Variants in ZNF581 observed in about 807,000 individuals in gnomAD.
ZNF581 encodes the protein zinc finger protein 581.
Under a neutral mutation model 1.2 loss-of-function variants are expected in ZNF581, and 1 was observed. The ratio of observed to expected loss-of-function variants is 0.83; its 90% confidence interval spans 0.30 to 3.95. The LOEUF (loss-of-function observed/expected upper bound fraction) is 3.95. Ranked by LOEUF, ZNF581 falls within the 30% of genes most tolerant of loss-of-function variation. ZNF581 has a pLI of 0.18. For missense variants in ZNF581, 273 were observed against 274.6 expected (o/e 0.99, Z 0.04); for synonymous variants, 105 against 109.2 (o/e 0.96, Z 0.24).
At position 55,645,090 on chromosome 19, in the gene ZNF581, T is replaced by A; in HGVS notation, c.519T>A (p.Phe173Leu). 2 of 1,550,006 alleles carry A rather than the reference T, an allele frequency of 1.3e-6. No individual in the cohort carries two copies. Among genetic ancestry groups the A allele is most frequent in the Non-Finnish European group, 1.8e-6 (2 of 1,142,094 alleles). The stretch of plus-strand genomic sequence containing the variant: ...GGGTGCACTCTGGGGAACGCCCGTT[T>A]CAGTGTCCACACTGCCCTCGCCGCT... Reference protein sequence around the residue: ...HSRVHSGERPFQCPHCPRRFM... With the variant: ...HSRVHSGERPLQCPHCPRRFM... Residue 173 changes from phenylalanine to leucine, a missense_variant, in exon 2 of 2, where the codon TTT becomes TTA. Coordinates refer to ENST00000270451, the MANE Select transcript of ZNF581 (RefSeq NM_016535.4).
Position 55,645,013 on chromosome 19 carries a change from C to A in ZNF581, c.442C>A (p.Pro148Thr). 1 of 1,596,896 alleles carries A rather than the reference C, an allele frequency of 6.3e-7. No homozygotes were observed. Among genetic ancestry groups the A allele is most frequent in the Non-Finnish European group, 8.6e-7 (1 of 1,166,920 alleles). Reference sequence around the variant, plus strand: ...GGGTGGTGGGCGGCCCCACGGCTGCCCGCTCTGCCCTCGCCGCTTCCGGGA... The same window carrying A: ...GGGTGGTGGGCGGCCCCACGGCTGCACGCTCTGCCCTCGCCGCTTCCGGGA... ...LAGGGRPHGCPLCPRRFRDAG... is the reference protein window; with the variant it reads ...LAGGGRPHGCTLCPRRFRDAG... The change falls in exon 2 of 2, where the codon CCG (proline) becomes ACG (threonine). Residue 148 changes from proline (P) to threonine (T), a missense_variant. By Grantham distance (38) the Pro-to-Thr change is conservative. Coordinates refer to ENST00000270451, the MANE Select transcript of ZNF581 (RefSeq NM_016535.4).
upstream of ZNF581, chr19:55,640,736 C>T: frequency 1.0e-6 from 1 of 985,452 alleles, no homozygotes; most frequent in Non-Finnish European, 1.2e-6. Flanking sequence ...CAGCGACGGC[C>T]CAGTGGAAAG....
chr19:55,642,573 C>T, upstream of ZNF581: 1 of 1,451,790 alleles, frequency 6.9e-7, no homozygotes, highest in Non-Finnish European at 9.1e-7. Context: ...ATGGACCCAC[C>T]GCCCCCCAAG....
At chr19:55,636,262 G>T (rs1415058429), upstream of ZNF581, among the ~76,000 whole-genome samples, 1 of 152,172 alleles carries the variant, frequency 6.6e-6, no homozygotes, top group Non-Finnish European at 1.5e-5. Context: ...GAGAAGGAAG[G>T]GGCCAGAACT....
chr19:55,637,850 C>T (rs942109913), upstream of ZNF581, among the ~76,000 whole-genome samples: 1 of 152,176 alleles, frequency 6.6e-6, no homozygotes, highest in East Asian at 1.9e-4. Flanking sequence ...TGTAGCTCTG[C>T]CCTGAGGATG....
At chr19:55,640,798 G>C (rs1420252746), upstream of ZNF581, 1 of 985,388 alleles carries the variant, frequency 1.0e-6, no homozygotes, top group Admixed American at 6.1e-5. Context: ...GCTTAGTCTC[G>C]GTTTATTGGC....
rs1982721421 is a variant in ZNF581 at position 55,644,327 on chromosome 19, T to C, written c.-19-226T>C. 6.6e-6 allele frequency among the ~76,000 whole-genome samples: 1 copy of C among 152,016 alleles called. No homozygotes were observed. The highest frequency in any genetic ancestry group is 1.9e-4 in the East Asian group (1 of 5,166). On this transcript the variant is annotated intron_variant, in intron 1 of 1. Transcript: ENST00000270451. This position sits in a 1 kb window ranked among gnomAD's most constrained non-coding sequence, Gnocchi z 4.3. ...AGGTCAAGAGATCCTGTGAGTACAGTGTATGGTGGAGCACCGAGGCTAGGA... is the reference window on the plus strand; with the variant it reads ...AGGTCAAGAGATCCTGTGAGTACAGCGTATGGTGGAGCACCGAGGCTAGGA...
upstream of ZNF581, among the ~76,000 whole-genome samples, chr19:55,638,954 T>C (rs1982258490): frequency 7.9e-6 from 1 of 126,088 alleles, no homozygotes; most frequent in South Asian, 2.3e-4. Flanking sequence ...GCAGTGAGCC[T>C]AGAATTGCGC....
upstream of ZNF581, chr19:55,643,136 C>T: frequency 8.0e-7 from 1 of 1,250,034 alleles, no homozygotes; most frequent in Non-Finnish European, 1.0e-6. Flanking sequence ...AGGTTACTGC[C>T]TTACCCTGGG....
upstream of ZNF581, chr19:55,640,068 A>AC (rs1982352550): frequency 1.1e-6 from 1 of 939,062 alleles, no homozygotes. Flanking sequence ...TAGCTGTGGC[A>AC]CCCCAGGGTC....
At chr19:55,643,301 G>A (rs1325607318), upstream of ZNF581, 5 of 419,000 alleles carry the variant, frequency 1.2e-5, no homozygotes, top group Admixed American at 4.5e-5. Flanking sequence ...GCCTGTGCAA[G>A]TGACATGACC....
At chr19:55,638,504 G>A (rs1439322938), upstream of ZNF581, among the ~76,000 whole-genome samples, 1 of 152,058 alleles carries the variant, frequency 6.6e-6, no homozygotes, top group African/African-American at 2.4e-5. Context: ...CAAAGTGTTG[G>A]GATTACAGGC....
chr19:55,642,580 C>T (rs778020661), upstream of ZNF581: 2 of 1,450,560 alleles, frequency 1.4e-6, no homozygotes, highest in South Asian at 1.5e-5. Context: ...CACCGCCCCC[C>T]AAGGCTCCCC....
At chr19:55,642,408 G>A, upstream of ZNF581, 2 of 1,356,776 alleles carry the variant, frequency 1.5e-6, no homozygotes, top group Non-Finnish European at 1.9e-6. Context: ...AGGGTAACAA[G>A]CAGTGATAGT....
chr19:55,642,943 C>T, upstream of ZNF581: 1 of 1,438,222 alleles, frequency 7.0e-7, no homozygotes, highest in Non-Finnish European at 9.1e-7. Context: ...ACCGCGCCCG[C>T]GCCGGGCCGC....
At chr19:55,640,986 C>T, upstream of ZNF581, 1 of 985,372 alleles carries the variant, frequency 1.0e-6, no homozygotes, top group East Asian at 1.1e-4. Context: ...ACTGGGCTCG[C>T]GCGCTTCCGG....
At chr19:55,643,614 C>G (rs1445936822), upstream of ZNF581, 1 of 152,588 alleles carries the variant, frequency 6.6e-6, no homozygotes, top group Non-Finnish European at 1.5e-5. Flanking sequence ...CCCCAACCTT[C>G]CTTCCCTAGA....
In ZNF581 at chr19:55,644,496, G is replaced by C; in HGVS notation, c.-19-57G>C. On this transcript the variant is annotated intron_variant, in intron 1 of 1. Transcript: ENST00000270451. The surrounding 1 kb of genome is among the most constrained non-coding windows in gnomAD (Gnocchi z 4.3). ...ATAGGGAGGGAAAAGGATGGAGCCT[G>C]TGGTGCTGAGCTGCCCTCTTCTATA... 8.9e-7 allele frequency: 1 copy of C among 1,129,670 alleles called. No homozygotes were observed. The highest frequency in any genetic ancestry group is 1.6e-5 in the South Asian group (1 of 63,814). 70.0% of individuals were successfully genotyped at this position (1,129,670 alleles called of 1,614,324 possible). A position where few individuals can be genotyped will look rare whatever the true frequency, so the allele number is the denominator to read the frequency against.
At chr19:55,638,339 A>C (rs981719558), upstream of ZNF581, among the ~76,000 whole-genome samples, 1 of 152,126 alleles carries the variant, frequency 6.6e-6, no homozygotes, top group Non-Finnish European at 1.5e-5. Flanking sequence ...CCCGGGTTCA[A>C]GTGATTCTCC....
Sources: allele counts gnomAD v4.1 joint callset (sites outside exome capture counted in the v4.1 genomes callset), GRCh38; gene constraint gnomAD v4.1.1; non-coding constraint Gnocchi (gnomAD v3.1); transcripts MANE v1.5; gene names NCBI Gene and HGNC (gene_info 2026-07-23, HGNC 2026-07-21).